MTERF4: variants seen among roughly 807,000 people sequenced by gnomAD.
The protein encoded by MTERF4 is transcription termination factor 4, mitochondrial.
In MTERF4, 17 loss-of-function variants were observed where a neutral mutation model predicts 22.5. The ratio of observed to expected loss-of-function variants is 0.75; its 90% CI spans 0.52 to 1.13. MTERF4 has a LOEUF of 1.13. MTERF4 is among the 50% of genes most tolerant of loss of function. The pLI is 0.00. For missense variants in MTERF4, 420 were observed against 466.8 expected (o/e 0.90, Z 0.92); for synonymous variants, 165 against 175.3 (o/e 0.94, Z 0.47).
chr2:241,063,906 T>A, the MTERF4 span: 1 of 912,332 alleles, frequency 1.1e-6, no homozygotes, highest in African/African-American at 1.6e-5. Context: ...CCCTCTCTCC[T>A]GGCCTCCGCC....
chr2:241,070,867 G>A (rs2062675927), downstream of MTERF4, among the ~76,000 whole-genome samples: 1 of 152,222 alleles, frequency 6.6e-6, no homozygotes, highest in East Asian at 1.9e-4. Context: ...CGGCGGGACA[G>A]AGCAGAGCAG....
At chr2:241,054,697 A>C in the MTERF4 span, among the ~76,000 whole-genome samples, 2 of 152,284 alleles carry the variant, frequency 1.3e-5, no homozygotes, top group Admixed American at 6.5e-5. Flanking sequence ...CAGATTAAAA[A>C]CTATAATAGT....
downstream of MTERF4, chr2:241,088,498 T>TA: frequency 1.0e-6 from 1 of 989,282 alleles, no homozygotes; most frequent in Non-Finnish European, 1.6e-6. Flanking sequence ...GCTGCCTGCT[T>TA]ACTCAGCACT....
At chr2:241,063,642 C>T in the MTERF4 span, 1 of 1,612,522 alleles carries the variant, frequency 6.2e-7, no homozygotes, top group Non-Finnish European at 8.5e-7. Flanking sequence ...GCAGGAACCT[C>T]CCAGGGGCCT....
chr2:241,090,603 A>G (rs1020224679), downstream of MTERF4, among the ~76,000 whole-genome samples: 2 of 152,350 alleles, frequency 1.3e-5, no homozygotes, highest in African/African-American at 4.8e-5. Flanking sequence ...CACAAACACA[A>G]AAAGAATTAT....
At chr2:241,097,962 C>T (rs554299007) in intron 2 of MTERF4, among the ~76,000 whole-genome samples, 24 of 152,240 alleles carry the variant, frequency 1.6e-4, no homozygotes, top group African/African-American at 5.3e-4. Context: ...CCAATGCTGA[C>T]GTCCTGGTTA....
At chr2:241,068,086 T>G, downstream of MTERF4, 4 of 827,048 alleles carry the variant, frequency 4.8e-6, no homozygotes, top group Non-Finnish European at 7.4e-6. The surrounding 1 kb of genome is among the most constrained non-coding windows in gnomAD (Gnocchi z 5.3). Context: ...GAGACAAAGG[T>G]CTCAGGTGAG....
the MTERF4 span, among the ~76,000 whole-genome samples, chr2:241,044,639 A>G: frequency 1.3e-5 from 2 of 152,228 alleles, no homozygotes; most frequent in African/African-American, 4.8e-5. Context: ...GTGCTCCAGG[A>G]GAAGCCCTCT....
At chr2:241,057,263 C>T in the MTERF4 span, among the ~76,000 whole-genome samples, 1 of 151,696 alleles carries the variant, frequency 6.6e-6, no homozygotes, top group African/African-American at 2.4e-5. Context: ...CCTGTAATCT[C>T]AGCTACTCAG....
chr2:241,070,500 C>T (rs931674427), downstream of MTERF4, among the ~76,000 whole-genome samples: 1 of 152,212 alleles, frequency 6.6e-6, no homozygotes, highest in African/African-American at 2.4e-5. Flanking sequence ...AAACGGGTGC[C>T]GAGGGTGGCA....
the MTERF4 span, chr2:241,065,167 A>G: frequency 1.0e-6 from 1 of 980,572 alleles, no homozygotes. Flanking sequence ...GGCCAGGGAC[A>G]AAGAAGGACT....
At chr2:241,081,331 G>A (rs1372577587) in intron 4 of MTERF4, among the ~76,000 whole-genome samples, 1 of 152,204 alleles carries the variant, frequency 6.6e-6, no homozygotes, top group African/African-American at 2.4e-5. Context: ...GGGTCGGGGT[G>A]GGGAGGGGCC....
the MTERF4 span, chr2:241,048,807 T>G: frequency 6.7e-6 from 10 of 1,496,448 alleles, no homozygotes; most frequent in South Asian, 1.1e-4. Flanking sequence ...TCCCTGAGCA[T>G]CCTCATAATC....
At chr2:241,079,295 C>T (rs550462306) in intron 4 of MTERF4, among the ~76,000 whole-genome samples, 3 of 151,254 alleles carry the variant, frequency 2.0e-5, no homozygotes, top group Non-Finnish European at 4.4e-5. Context: ...GCCTGTAGTC[C>T]CAGCTACTCA....
At chr2:241,068,762 G>A, downstream of MTERF4, 2 of 616,556 alleles carry the variant, frequency 3.2e-6, no homozygotes, top group Middle Eastern at 3.0e-4. The surrounding 1 kb of genome is among the most constrained non-coding windows in gnomAD (Gnocchi z 5.3). Context: ...AGGGCCATGA[G>A]TCTGCCCCTC....
chr2:241,097,354 GAC>G lies in MTERF4; in HGVS notation c.592_593del (p.Val198GlnfsTer46). On this transcript the variant is annotated frameshift_variant, in exon 3 of 4. Coordinates refer to ENST00000391980, the MANE Select transcript of MTERF4 (RefSeq NM_182501.4). LOFTEE classifies it high-confidence loss of function. ...TMRQQDINDT[V>X]RLLKEKCLFT... ...AAAGGCACTTCTCCTTGAGAAGCCT[GAC>G]AGTGTCGTTAATGTCCTGCTGGCGC... 6.2e-7 allele frequency: 1 copy of G among 1,614,214 alleles called. No individual in the cohort carries two copies. The highest frequency in any genetic ancestry group is 8.5e-7 in the Non-Finnish European group (1 of 1,180,038).
downstream of MTERF4, among the ~76,000 whole-genome samples, chr2:241,082,633 C>T (rs1192125566): frequency 6.6e-6 from 1 of 152,226 alleles, no homozygotes; most frequent in Non-Finnish European, 1.5e-5. Context: ...GCCTTCCTTC[C>T]CACACATCAG....
In MTERF4 at chr2:241,102,278, CGGA is replaced by C. The variant is rs1187780643; in HGVS notation, c.-8_-6del. 6.5e-7 allele frequency: 1 copy of C among 1,549,280 alleles called. No individual in the cohort carries two copies. Among genetic ancestry groups the C allele is most frequent in the East Asian group, 2.4e-5 (1 of 40,898 alleles). Reference sequence around the variant, plus strand: ...CTGACGGCCGAACGCAGCCATAGCGCGGAGAAGATGGCAGCAGTTACGGCGCCG... The same window carrying C: ...CTGACGGCCGAACGCAGCCATAGCGCGAAGATGGCAGCAGTTACGGCGCCG... On this transcript the variant is annotated 5_prime_UTR_variant, in exon 1 of 4. Transcript: ENST00000391980.
At chr2:241,061,546 C>A in the MTERF4 span, among the ~76,000 whole-genome samples, 2 of 152,154 alleles carry the variant, frequency 1.3e-5, no homozygotes, top group Non-Finnish European at 2.9e-5. Context: ...AACTTCACGT[C>A]TGCACCAGGA....
Sources: allele counts gnomAD v4.1 joint callset (sites outside exome capture counted in the v4.1 genomes callset), GRCh38; gene constraint gnomAD v4.1.1; non-coding constraint Gnocchi (gnomAD v3.1); transcripts MANE v1.5; gene names NCBI Gene and HGNC (gene_info 2026-07-23, HGNC 2026-07-21).